The following RPTOR variants were observed in gnomAD, a reference collection of about 807,000 sequenced individuals.
RPTOR encodes the protein regulatory associated protein of MTOR complex 1.
A neutral mutation model predicts 169.9 loss-of-function variants in RPTOR; 21 were observed. The observed-to-expected ratio is 0.12, with a 90% confidence interval of 0.09 to 0.18. The LOEUF (loss-of-function observed/expected upper bound fraction) is 0.18, where lower values mean the gene tolerates loss of function less well. RPTOR is among the 10% of genes least tolerant of loss of function. RPTOR has a pLI of 1.00. For missense variants in RPTOR, 1,133 were observed against 1,855.9 expected (o/e 0.61, Z 7.16); for synonymous variants, 732 against 753.2 (o/e 0.97, Z 0.46).
At chr17:80,807,060 A>C (rs1444858788) in intron 7 of RPTOR, among the ~76,000 whole-genome samples, 1 of 152,252 alleles carries the variant, frequency 6.6e-6, no homozygotes, top group Non-Finnish European at 1.5e-5. Flanking sequence ...CTTTTGCCTT[A>C]GAGTCCACAT....
At chr17:80,753,093 A>G (rs2066644895) in intron 5 of RPTOR, among the ~76,000 whole-genome samples, 1 of 152,244 alleles carries the variant, frequency 6.6e-6, no homozygotes, top group Non-Finnish European at 1.5e-5. Context: ...ATTAATGCAC[A>G]TTTGTTTGTA....
intron 1 of RPTOR, among the ~76,000 whole-genome samples, chr17:80,572,543 AC>A (rs1351568861): frequency 4.6e-5 from 7 of 151,994 alleles, no homozygotes; most frequent in Non-Finnish European, 1.5e-5. Flanking sequence ...ACATAGTGAA[AC>A]CCCATCTCTC....
At chr17:80,764,187 T>G (rs2066764171) in intron 6 of RPTOR, among the ~76,000 whole-genome samples, 1 of 150,788 alleles carries the variant, frequency 6.6e-6, no homozygotes, top group Non-Finnish European at 1.5e-5. Flanking sequence ...TATTATACTT[T>G]TAAGTTTTAG....
intron 1 of RPTOR, among the ~76,000 whole-genome samples, chr17:80,556,353 A>T (rs1392900108): frequency 6.6e-6 from 1 of 152,190 alleles, no homozygotes; most frequent in East Asian, 1.9e-4. Flanking sequence ...CTCTACAAAA[A>T]GTAAAAAATA....
At chr17:80,722,465 G>C (rs1400044954) in intron 4 of RPTOR, among the ~76,000 whole-genome samples, 2 of 150,834 alleles carry the variant, frequency 1.3e-5, no homozygotes, top group Admixed American at 1.3e-4. Flanking sequence ...GGGGTCCCAA[G>C]CTGGGAAACT....
In RPTOR at chr17:80,567,901, T is replaced by G. The variant is rs529016984; in HGVS notation, c.162+22110T>G. On this transcript the variant is annotated intron_variant, in intron 1 of 33. Transcript: ENST00000306801. ...CTTATATTAACCCACATATTTCTAT[T>G]TATTTTTTCTTTTTTTTTATTCTGA... 8.5e-5 allele frequency among the ~76,000 whole-genome samples: 13 copies of G among 152,068 alleles called. No homozygotes were observed. In the South Asian group the frequency reaches 2.7e-3, roughly 32 times the overall value.
At chr17:80,561,263 G>GTGTGTATATATATATATA (rs1297941814) in intron 1 of RPTOR, among the ~76,000 whole-genome samples, 2 of 19,608 alleles carry the variant, frequency 1.0e-4, no homozygotes, top group African/African-American at 1.8e-4. Context: ...ATATATATAT[G>GTGTGTATATATATATATA]TATATATATA....
chr17:80,816,351 G>C (rs1158017887), intron 7 of RPTOR, among the ~76,000 whole-genome samples: 1 of 152,240 alleles, frequency 6.6e-6, no homozygotes, highest in African/African-American at 2.4e-5. Context: ...GAGAGCAGCT[G>C]AGGGCCTGGG....
intron 7 of RPTOR, among the ~76,000 whole-genome samples, chr17:80,815,279 G>A (rs886154274): frequency 6.6e-6 from 1 of 152,146 alleles, no homozygotes; most frequent in African/African-American, 2.4e-5. Context: ...GAGAGCTGTC[G>A]CTCCAACTCA....
At chr17:80,673,272 A>G (rs1202492240) in intron 3 of RPTOR, among the ~76,000 whole-genome samples, 2 of 152,214 alleles carry the variant, frequency 1.3e-5, no homozygotes, top group African/African-American at 4.8e-5. Context: ...AGATTTTTTA[A>G]AGATTAGGAA....
chr17:80,930,377 C>CCAGCTCATCCT (rs2068874610), intron 24 of RPTOR, among the ~76,000 whole-genome samples: 33 of 3,352 alleles, frequency 9.8e-3, no homozygotes, highest in East Asian at 0.016. Context: ...CAGCTCATCC[C>CCAGCTCATCCT]CAGCTCAGCT....
chr17:80,683,060 C>T (rs923029565), intron 3 of RPTOR, among the ~76,000 whole-genome samples: 9 of 152,212 alleles, frequency 5.9e-5, no homozygotes, highest in Non-Finnish European at 1.0e-4. Flanking sequence ...CCTTGGCCTC[C>T]TAGACTGCTG....
chr17:80,592,907 T>C (rs968970232), intron 1 of RPTOR, among the ~76,000 whole-genome samples: 1 of 152,146 alleles, frequency 6.6e-6, no homozygotes, highest in African/African-American at 2.4e-5. Flanking sequence ...TGGCGGGCAG[T>C]GCTGTCGGAG....
chr17:80,860,291 A>G lies in RPTOR; in HGVS notation c.1509+2391A>G, dbSNP rs1011940095. 5.9e-5 allele frequency among the ~76,000 whole-genome samples: 9 copies of G among 152,124 alleles called. No homozygotes were observed. The highest frequency in any genetic ancestry group is 2.2e-4 in the African/African-American group (9 of 41,512). On this transcript the variant is annotated intron_variant, in intron 13 of 33. Coordinates refer to ENST00000306801, the MANE Select transcript of RPTOR (RefSeq NM_020761.3). The surrounding 1 kb of genome is among the most constrained non-coding windows in gnomAD (Gnocchi z 5.8). ...GGGCTTTGTTCAGCCAAATTCACTG[A>G]CCCTGTTGTCCAGGCACTGGCAGGC...
rs151264991 is a variant in RPTOR, at chr17:80,715,973, G to T, written c.507+7974G>T. Among the ~76,000 whole-genome samples, 562 of 152,216 alleles carry T rather than the reference G, an allele frequency of 3.7e-3. 1 individual carries two copies. The highest frequency in any genetic ancestry group is 5.7e-3 in the Non-Finnish European group (385 of 68,014). On this transcript the variant is annotated intron_variant, in intron 4 of 33. Coordinates refer to ENST00000306801, the MANE Select transcript of RPTOR (RefSeq NM_020761.3). ...TTCTTTATCCACTCATTGATTGATG[G>T]GCATTTGGGTTGGTTCCATGATTTT...
intron 6 of RPTOR, among the ~76,000 whole-genome samples, chr17:80,784,517 G>T (rs1467131492): frequency 6.6e-6 from 1 of 151,634 alleles, no homozygotes; most frequent in Non-Finnish European, 1.5e-5. Flanking sequence ...TCAGCCTCCC[G>T]AGTAGCTGGG....
intron 5 of RPTOR, among the ~76,000 whole-genome samples, chr17:80,734,230 A>G (rs1475247288): frequency 6.6e-6 from 1 of 152,184 alleles, no homozygotes; most frequent in African/African-American, 2.4e-5. Context: ...TGATAGATCC[A>G]CAAGGAGAGC....
At chr17:80,952,508 G>A (rs1254324736) in intron 28 of RPTOR, among the ~76,000 whole-genome samples, 3 of 152,162 alleles carry the variant, frequency 2.0e-5, no homozygotes, top group African/African-American at 2.4e-5. Flanking sequence ...GCCCCCACTC[G>A]CCTCTCCCGG....
chr17:80,852,786 G>A (rs1487727853), intron 11 of RPTOR, among the ~76,000 whole-genome samples: 1 of 151,340 alleles, frequency 6.6e-6, no homozygotes, highest in East Asian at 1.9e-4. Flanking sequence ...GCTCCCCAGG[G>A]CCCATGCTCC....
Sources: allele counts gnomAD v4.1 joint callset (sites outside exome capture counted in the v4.1 genomes callset), GRCh38; gene constraint gnomAD v4.1.1; non-coding constraint Gnocchi (gnomAD v3.1); transcripts MANE v1.5; gene names NCBI Gene and HGNC (gene_info 2026-07-23, HGNC 2026-07-21).